CSMD3: variants seen among roughly 807,000 people sequenced by gnomAD.
CSMD3 encodes the protein CUB and sushi domain-containing protein 3.
Under a neutral mutation model 435.2 loss-of-function variants are expected in CSMD3, and 177 were observed. The observed-to-expected ratio is 0.41, with a 90% confidence interval of 0.36 to 0.46. The LOEUF is 0.46. Ranked by LOEUF, CSMD3 falls within the 20% of genes least tolerant of loss-of-function variation. CSMD3 has a pLI of 0.34. For missense variants in CSMD3, 4,265 were observed against 4,504.6 expected, an observed-to-expected ratio of 0.95 and a Z score of 1.52; for synonymous variants, 1,656 against 1,520.5, an observed-to-expected ratio of 1.09 and a Z score of -2.07.
intron 5 of CSMD3, among the ~76,000 whole-genome samples, chr8:113,024,399 T>C (rs1385153994): frequency 6.6e-6 from 1 of 151,428 alleles, no homozygotes; most frequent in African/African-American, 2.4e-5. Flanking sequence ...CTATTGTGAA[T>C]AGTGAAGCAA....
chr8:113,428,643 A>G (rs16884657), intron 1 of CSMD3, among the ~76,000 whole-genome samples: 32,897 of 151,772 alleles, frequency 0.22, 4,395 homozygotes, highest in East Asian at 0.46. Context: ...ATCATAAAGC[A>G]TCACACATGA....
intron 3 of CSMD3, among the ~76,000 whole-genome samples, chr8:113,197,850 G>C (rs62519810): frequency 0.28 from 42,882 of 150,662 alleles, 7,319 homozygotes; most frequent in East Asian, 0.7. Context: ...CTGTTTATTA[G>C]ATAGCACAAC....
At chr8:112,777,199 G>T (rs566696687) in intron 13 of CSMD3, among the ~76,000 whole-genome samples, 1 of 151,870 alleles carries the variant, frequency 6.6e-6, no homozygotes, top group African/African-American at 2.4e-5. Context: ...TCCAGGCTTT[G>T]TCTGGTTCTT....
At chr8:113,228,329 G>GT (rs975451273) in intron 3 of CSMD3, among the ~76,000 whole-genome samples, 4 of 151,512 alleles carry the variant, frequency 2.6e-5, no homozygotes, top group African/African-American at 9.7e-5. Context: ...CCTGAATTAT[G>GT]ATTACATAGT....
intron 3 of CSMD3, among the ~76,000 whole-genome samples, chr8:113,266,266 T>C (rs543574395): frequency 6.6e-6 from 1 of 150,970 alleles, no homozygotes; most frequent in East Asian, 1.9e-4. Context: ...CTAAATAGAA[T>C]GGCAAATAGT....
intron 9 of CSMD3, among the ~76,000 whole-genome samples, chr8:112,929,268 C>T (rs1291272978): frequency 6.7e-6 from 1 of 148,608 alleles, no homozygotes; most frequent in Admixed American, 6.7e-5. Flanking sequence ...GGGAGATATA[C>T]CTAATGCTAG....
At chr8:113,347,282 C>G (rs1296833472) in intron 1 of CSMD3, among the ~76,000 whole-genome samples, 17 of 151,808 alleles carry the variant, frequency 1.1e-4, no homozygotes, top group Admixed American at 1.1e-3. Context: ...CCCTTTTTTT[C>G]TTTGTATTGT....
chr8:113,203,618 C>A (rs1453733429), intron 3 of CSMD3, among the ~76,000 whole-genome samples: 1 of 151,824 alleles, frequency 6.6e-6, no homozygotes, highest in African/African-American at 2.4e-5. Flanking sequence ...ATTAAAATAT[C>A]ATATACCACT....
chr8:112,801,736 G>A (rs1443306872), intron 12 of CSMD3, among the ~76,000 whole-genome samples: 1 of 151,916 alleles, frequency 6.6e-6, no homozygotes, highest in East Asian at 1.9e-4. Flanking sequence ...AGGTTTATGG[G>A]AAAGGGTAAA....
chr8:112,868,237 A>G (rs1458302077), intron 10 of CSMD3, among the ~76,000 whole-genome samples: 1 of 152,104 alleles, frequency 6.6e-6, no homozygotes, highest in Non-Finnish European at 1.5e-5. Context: ...TTTCTAGATG[A>G]CAGTGCCTTC....
intron 1 of CSMD3, among the ~76,000 whole-genome samples, chr8:113,356,491 A>T (rs768551932): frequency 5.3e-5 from 8 of 152,174 alleles, no homozygotes; most frequent in Non-Finnish European, 8.8e-5. Context: ...GGCCAGAGAG[A>T]TTCAAACAAT....
intron 27 of CSMD3, among the ~76,000 whole-genome samples, chr8:112,533,883 C>G (rs146428562): frequency 1.3e-3 from 191 of 152,154 alleles, no homozygotes; most frequent in African/African-American, 4.1e-3. Context: ...CAAAACAAGT[C>G]TTGACAAATT....
chr8:113,167,644 G>A (rs746478890), intron 4 of CSMD3, among the ~76,000 whole-genome samples: 5 of 152,198 alleles, frequency 3.3e-5, no homozygotes, highest in Non-Finnish European at 5.9e-5. Flanking sequence ...TTTCCAGGGA[G>A]TGTTGAAGCA....
intron 13 of CSMD3, among the ~76,000 whole-genome samples, chr8:112,765,450 C>A (rs2077954077): frequency 6.6e-6 from 1 of 151,480 alleles, no homozygotes; most frequent in Non-Finnish European, 1.5e-5. Flanking sequence ...CGACTGAATT[C>A]TTTTATTAAG....
intron 35 of CSMD3, among the ~76,000 whole-genome samples, chr8:112,401,744 T>G (rs1831360821): frequency 6.6e-6 from 1 of 152,128 alleles, no homozygotes; most frequent in Non-Finnish European, 1.5e-5. Context: ...AATCAACACA[T>G]TTTTCCTAAA....
chr8:112,887,161 G>A (rs1184308953), intron 10 of CSMD3, among the ~76,000 whole-genome samples: 1 of 149,896 alleles, frequency 6.7e-6, no homozygotes, highest in Non-Finnish European at 1.5e-5. Flanking sequence ...CTATCATATA[G>A]TAAGCACTGT....
chr8:113,214,944 T>C (rs2092884455), intron 3 of CSMD3, among the ~76,000 whole-genome samples: 1 of 151,804 alleles, frequency 6.6e-6, no homozygotes, highest in Non-Finnish European at 1.5e-5. Flanking sequence ...CAAGGTGATA[T>C]CAACATGATA....
At chr8:112,329,918 A>G (rs56370063) in intron 45 of CSMD3, among the ~76,000 whole-genome samples, 65,883 of 151,858 alleles carry the variant, frequency 0.43, 14,883 homozygotes, top group Middle Eastern at 0.53. Flanking sequence ...ATACACACAT[A>G]TACACACAAA....
chr8:112,702,445 C>T (rs1170857473), intron 13 of CSMD3, among the ~76,000 whole-genome samples: 1 of 152,074 alleles, frequency 6.6e-6, no homozygotes, highest in African/African-American at 2.4e-5. Flanking sequence ...TAGGATAATC[C>T]ATATTTCAGC....
Sources: allele counts gnomAD v4.1 joint callset (sites outside exome capture counted in the v4.1 genomes callset), GRCh38; gene constraint gnomAD v4.1.1; transcripts MANE v1.5; gene names NCBI Gene and HGNC (gene_info 2026-07-23, HGNC 2026-07-21).